The following SLC44A5 variants were observed in gnomAD, a reference collection of about 807,000 sequenced individuals.
SLC44A5 encodes solute carrier family 44 member 5.
SLC44A5 carries 57 observed loss-of-function variants against 101.8 expected under a neutral mutation model. The ratio of observed to expected loss-of-function variants is 0.56; its 90% CI spans 0.45 to 0.70. The LOEUF is 0.70. SLC44A5 is among the 30% of genes least tolerant of loss of function. SLC44A5 has a pLI of 0.00. For missense variants in SLC44A5, 737 were observed against 853.1 expected (o/e 0.86, Z 1.70); for synonymous variants, 281 against 290.9 (o/e 0.97, Z 0.35).
intron 1 of SLC44A5, among the ~76,000 whole-genome samples, chr1:75,603,014 C>T (rs1340116933): frequency 6.6e-6 from 1 of 151,792 alleles, no homozygotes; most frequent in East Asian, 1.9e-4. Flanking sequence ...TCAGGGGGTA[C>T]ATATACACAT....
At chr1:75,589,940 G>A (rs759627898) in intron 1 of SLC44A5, among the ~76,000 whole-genome samples, 43 of 152,068 alleles carry the variant, frequency 2.8e-4, no homozygotes, top group African/African-American at 5.1e-4. Flanking sequence ...ACCACCTAGC[G>A]CCAAAGTGGT....
At chr1:75,320,103 C>G (rs1202856667) in intron 4 of SLC44A5, among the ~76,000 whole-genome samples, 1 of 152,042 alleles carries the variant, frequency 6.6e-6, no homozygotes, top group Non-Finnish European at 1.5e-5. Flanking sequence ...TTCAAATATT[C>G]TGGGAAGTCA....
At chr1:75,662,770 T>G in the SLC44A5 span, among the ~76,000 whole-genome samples, 2 of 152,152 alleles carry the variant, frequency 1.3e-5, no homozygotes, top group African/African-American at 2.4e-5. Flanking sequence ...TGTGTTTGTA[T>G]TCTCTCAATG....
intron 2 of SLC44A5, among the ~76,000 whole-genome samples, chr1:75,468,276 T>G (rs1317480574): frequency 6.6e-6 from 1 of 152,070 alleles, no homozygotes; most frequent in Non-Finnish European, 1.5e-5. Context: ...CTCAAAAAAT[T>G]AAAACTAGAG....
the SLC44A5 span, chr1:75,724,001 G>C: frequency 1.3e-5 from 2 of 152,098 alleles, no homozygotes; most frequent in African/African-American, 4.8e-5. Context: ...ATTCCTCAGG[G>C]AGACATTCAC....
chr1:75,317,248 C>T (rs929738220), intron 4 of SLC44A5, among the ~76,000 whole-genome samples: 3 of 152,090 alleles, frequency 2.0e-5, no homozygotes, highest in Non-Finnish European at 2.9e-5. Context: ...CAGTGAAAGA[C>T]GCAGCATCAG....
chr1:75,706,344 G>A, the SLC44A5 span, among the ~76,000 whole-genome samples: 11 of 152,078 alleles, frequency 7.2e-5, no homozygotes, highest in Non-Finnish European at 1.0e-4. Flanking sequence ...AAAATTTGAT[G>A]AGGTTCTTCT....
intron 2 of SLC44A5, among the ~76,000 whole-genome samples, chr1:75,479,379 GA>G (rs1320705732): frequency 3.9e-5 from 6 of 152,134 alleles, no homozygotes; most frequent in African/African-American, 1.4e-4. Flanking sequence ...AAAACTAGCA[GA>G]AGGCAAGAAA....
At chr1:75,546,702 C>T (rs1019492013) in intron 1 of SLC44A5, among the ~76,000 whole-genome samples, 8 of 152,106 alleles carry the variant, frequency 5.3e-5, no homozygotes, top group Non-Finnish European at 1.0e-4. Context: ...TAACTAAAAT[C>T]GAAGACTAGC....
chr1:75,521,737 T>G (rs1013506474), intron 2 of SLC44A5: 3 of 153,076 alleles, frequency 2.0e-5, no homozygotes, highest in Non-Finnish European at 4.4e-5. Context: ...GCTGCCGTAC[T>G]GCTGTGGTCT....
At chr1:75,680,509 C>G in the SLC44A5 span, among the ~76,000 whole-genome samples, 1 of 150,668 alleles carries the variant, frequency 6.6e-6, no homozygotes, top group Non-Finnish European at 1.5e-5. Flanking sequence ...TCCTGAATGA[C>G]TACTGGGTAC....
chr1:75,213,922 T>C lies in SLC44A5; in HGVS notation c.1870A>G (p.Ile624Val), dbSNP rs1208652919. ...FLGKLLVAGSIGVLAFLFFTQ... is the reference protein window; with the variant it reads ...FLGKLLVAGSVGVLAFLFFTQ... ...TATTTTCATCATGATTACTTACCTA[T>C]ACTTCCAGCAACTAGAAGTTTCCCC... The change falls in exon 21 of 24, where the codon ATA becomes GTA. Residue 624 changes from isoleucine to valine, a missense_variant. Physicochemically the swap from Ile to Val is conservative, Grantham distance 29. Coordinates refer to ENST00000370859, the MANE Select transcript of SLC44A5 (RefSeq NM_001130058.2). 3.8e-6 allele frequency: 6 copies of C among 1,582,432 alleles called. No individual in the cohort carries two copies. The African/African-American group carries it at 4.1e-5, about 11-fold the overall frequency.
At chr1:75,304,206 A>T (rs1462919894) in intron 4 of SLC44A5, among the ~76,000 whole-genome samples, 2 of 152,162 alleles carry the variant, frequency 1.3e-5, no homozygotes, top group Middle Eastern at 3.4e-3. Context: ...AAGAACTCAA[A>T]TCTCCCCAGT....
At chr1:75,440,218 A>G (rs999603863) in intron 2 of SLC44A5, among the ~76,000 whole-genome samples, 2 of 152,192 alleles carry the variant, frequency 1.3e-5, no homozygotes, top group African/African-American at 4.8e-5. Context: ...AAAAGGGAAT[A>G]GTAGTACCAA....
intron 1 of SLC44A5, among the ~76,000 whole-genome samples, chr1:75,604,624 T>C (rs10874394): frequency 0.3 from 44,958 of 151,962 alleles, 7,665 homozygotes; most frequent in East Asian, 0.78. Flanking sequence ...TTTGACCATT[T>C]TATTATTCTT....
Position 75,361,372 on chromosome 1 carries a change from T to C in SLC44A5, c.53-21742A>G, listed in dbSNP as rs556259086. ...TGAAAAGAAGTCATAAGAGTGAGCA[T>C]TCTTATTTTATCCCTGATCTTAGAG... On this transcript the variant is annotated intron_variant, in intron 3 of 23. Transcript: ENST00000370859. Among the ~76,000 whole-genome samples the C allele has an allele frequency of 3.4e-4, 52 of 152,226 alleles. No homozygotes were observed. The South Asian group carries it at 0.011, about 32-fold the overall frequency.
At chr1:75,434,052 T>C (rs1360399131) in intron 2 of SLC44A5, among the ~76,000 whole-genome samples, 2 of 152,094 alleles carry the variant, frequency 1.3e-5, no homozygotes, top group African/African-American at 4.8e-5. Context: ...ATGGGAATTA[T>C]GGGAGCTACA....
intron 1 of SLC44A5, among the ~76,000 whole-genome samples, chr1:75,544,639 G>A (rs1671546895): frequency 6.6e-6 from 1 of 152,176 alleles, no homozygotes; most frequent in African/African-American, 2.4e-5. Flanking sequence ...AATTAACACA[G>A]TATATTTATC....
intron 2 of SLC44A5, among the ~76,000 whole-genome samples, chr1:75,509,601 A>G (rs562640384): frequency 6.6e-6 from 1 of 152,332 alleles, no homozygotes; most frequent in South Asian, 2.1e-4. Flanking sequence ...GGCAGATATA[A>G]GAGTTATGAT....
Sources: gnomAD v4.1 joint callset for allele counts (sites outside exome capture counted in the v4.1 genomes callset) on GRCh38, gnomAD v4.1.1 for gene constraint, MANE v1.5 for transcripts, NCBI Gene and HGNC (gene_info 2026-07-23, HGNC 2026-07-21) for gene names.